The following SOX6 variants were observed in gnomAD, a reference collection of about 807,000 sequenced individuals.
SOX6 encodes the protein transcription factor SOX-6.
SOX6 carries 11 observed loss-of-function variants against 97.8 expected under a neutral mutation model. The observed-to-expected ratio is 0.11, with a 90% CI of 0.07 to 0.19. The LOEUF (loss-of-function observed/expected upper bound fraction) is 0.19. SOX6 is among the 10% of genes least tolerant of loss of function. The pLI is 1.00. For synonymous variants in SOX6, 360 were observed against 371.4 expected, an observed-to-expected ratio of 0.97 and a Z score of 0.35; for missense variants, 810 against 1,039.5, an observed-to-expected ratio of 0.78 and a Z score of 3.04.
intron 9 of SOX6, among the ~76,000 whole-genome samples, chr11:16,056,681 A>G (rs1227962877): frequency 1.3e-5 from 2 of 152,114 alleles, no homozygotes; most frequent in African/African-American, 2.4e-5. Context: ...CCTTTTCTGA[A>G]GTATTTTCTA....
intron 6 of SOX6, among the ~76,000 whole-genome samples, chr11:16,141,002 TACATGGGAAGCTGAG>T (rs1850120702): frequency 6.6e-6 from 1 of 151,792 alleles, no homozygotes; most frequent in Non-Finnish European, 1.5e-5. Flanking sequence ...TAATCCCAGC[TACATGGGAAGCTGAG>T]ACAGGAGAAT....
At chr11:16,393,608 T>C (rs1365363553) in intron 1 of SOX6, among the ~76,000 whole-genome samples, 1 of 152,078 alleles carries the variant, frequency 6.6e-6, no homozygotes, top group South Asian at 2.1e-4. Context: ...CTAAAAATTA[T>C]GCTATTTCAT....
intron 3 of SOX6, among the ~76,000 whole-genome samples, chr11:16,692,056 C>CGT (rs755479047): frequency 0.081 from 11,673 of 144,156 alleles, 547 homozygotes; most frequent in South Asian, 0.19. Flanking sequence ...TTTGCGTGTG[C>CGT]GTGTGTGTGT....
At chr11:16,450,873 G>C (rs1859702642) in intron 1 of SOX6, among the ~76,000 whole-genome samples, 1 of 152,144 alleles carries the variant, frequency 6.6e-6, no homozygotes, top group Non-Finnish European at 1.5e-5. Context: ...AATAAATTAT[G>C]AGAATGTTTG....
At chr11:16,124,623 T>G (rs961702609) in intron 6 of SOX6, among the ~76,000 whole-genome samples, 2 of 151,726 alleles carry the variant, frequency 1.3e-5, no homozygotes, top group Admixed American at 6.6e-5. Context: ...AGTGCAAAGG[T>G]CAGAGCAGAA....
At chr11:16,556,254 T>C (rs1847747535) in intron 4 of SOX6, among the ~76,000 whole-genome samples, 1 of 151,732 alleles carries the variant, frequency 6.6e-6, no homozygotes, top group African/African-American at 2.4e-5. Context: ...AAAGTGCTGA[T>C]ATTCTACATC....
At chr11:16,670,115 T>C (rs914803582) in intron 3 of SOX6, among the ~76,000 whole-genome samples, 12 of 152,186 alleles carry the variant, frequency 7.9e-5, no homozygotes, top group African/African-American at 2.9e-4. Context: ...CACCCATGGC[T>C]GAGCATACCT....
chr11:16,183,621 G>A (rs905932197), intron 6 of SOX6, among the ~76,000 whole-genome samples: 1 of 151,946 alleles, frequency 6.6e-6, no homozygotes, highest in Admixed American at 6.6e-5. Flanking sequence ...AGACCATTAG[G>A]TTCCCAGTAA....
chr11:16,311,618 G>T, intron 3 of SOX6: 1 of 152,240 alleles, frequency 6.6e-6, no homozygotes, highest in Non-Finnish European at 1.5e-5. Context: ...GAGAGATCAA[G>T]TAACATGCTC....
intron 13 of SOX6, among the ~76,000 whole-genome samples, chr11:16,005,735 T>C (rs753328514): frequency 3.3e-5 from 5 of 152,046 alleles, no homozygotes; most frequent in African/African-American, 4.8e-5. Flanking sequence ...ATTTCTAATA[T>C]AAATTTAAAA....
chr11:16,149,476 G>C (rs1354660023), intron 6 of SOX6, among the ~76,000 whole-genome samples: 1 of 144,576 alleles, frequency 6.9e-6, no homozygotes, highest in Non-Finnish European at 1.5e-5. Flanking sequence ...TTATAAAGTA[G>C]GGAAATAGGA....
chr11:16,476,699 C>T (rs1860257184), upstream of SOX6, among the ~76,000 whole-genome samples: 1 of 152,026 alleles, frequency 6.6e-6, no homozygotes, highest in Non-Finnish European at 1.5e-5. Context: ...AAGAAACAGG[C>T]TTATAATTTA....
At chr11:16,686,788 G>A (rs1847972492) in intron 3 of SOX6, among the ~76,000 whole-genome samples, 1 of 152,060 alleles carries the variant, frequency 6.6e-6, no homozygotes. Flanking sequence ...TCTGTGTTAG[G>A]CTATTCTTGC....
At chr11:16,106,503 C>A (rs1033214512) in intron 7 of SOX6, among the ~76,000 whole-genome samples, 1 of 151,790 alleles carries the variant, frequency 6.6e-6, no homozygotes, top group African/African-American at 2.4e-5. Context: ...GTCTTATCAA[C>A]AAATGTTGTG....
At chr11:16,639,572 G>T (rs937707101) in intron 3 of SOX6, among the ~76,000 whole-genome samples, 17 of 152,238 alleles carry the variant, frequency 1.1e-4, no homozygotes, top group African/African-American at 3.4e-4. Context: ...CCAGTTGTTT[G>T]TATCCTCTTT....
At chr11:16,521,006 C>T (rs978781619) in intron 4 of SOX6, among the ~76,000 whole-genome samples, 1 of 152,224 alleles carries the variant, frequency 6.6e-6, no homozygotes, top group Non-Finnish European at 1.5e-5. Flanking sequence ...CCTACCACAG[C>T]TCAAGGAGGC....
chr11:16,041,236 AG>A (rs1855652765), intron 12 of SOX6, among the ~76,000 whole-genome samples: 2 of 152,094 alleles, frequency 1.3e-5, no homozygotes, highest in African/African-American at 4.8e-5. Flanking sequence ...TTTTCTCACA[AG>A]CCCCTTTCAC....
chr11:16,392,791 G>T (rs2134428595), intron 1 of SOX6, among the ~76,000 whole-genome samples: 1 of 151,994 alleles, frequency 6.6e-6, no homozygotes, highest in Non-Finnish European at 1.5e-5. Flanking sequence ...TCATATGCTT[G>T]AGCAACCCAG....
intron 1 of SOX6, among the ~76,000 whole-genome samples, chr11:16,378,657 C>T (rs1471380924): frequency 6.6e-6 from 1 of 151,684 alleles, no homozygotes; most frequent in Non-Finnish European, 1.5e-5. Flanking sequence ...AAAAAAATAA[C>T]ATTATAATAA....
Sources: gnomAD v4.1 joint callset for allele counts (sites outside exome capture counted in the v4.1 genomes callset) on GRCh38, gnomAD v4.1.1 for gene constraint, MANE v1.5 for transcripts, NCBI Gene and HGNC (gene_info 2026-07-23, HGNC 2026-07-21) for gene names.